Variants in GABPA observed in about 807,000 individuals in gnomAD.
GABPA encodes the protein GA-binding protein alpha chain.
GABPA carries 4 observed loss-of-function variants against 59.4 expected under a neutral mutation model. The observed-to-expected ratio is 0.07, with a 90% CI of 0.03 to 0.15. The LOEUF (loss-of-function observed/expected upper bound fraction) is 0.15, where lower values mean the gene tolerates loss of function less well. Ranked by LOEUF, GABPA falls within the 10% of genes least tolerant of loss-of-function variation. The pLI is 1.00. For missense variants in GABPA, 251 were observed against 543.8 expected (o/e 0.46, Z 5.36); for synonymous variants, 164 against 183.1 (o/e 0.90, Z 0.84).
rs1198020447 is a variant in GABPA at position 25,771,628 on chromosome 21, AATTT to A, written c.*2399_*2402del. 3 of 151,982 alleles carry A rather than the reference AATTT, an allele frequency of 2.0e-5. No homozygotes were observed. Among genetic ancestry groups the A allele is most frequent in the East Asian group, 3.9e-4 (2 of 5,190 alleles). 9.4% of individuals were successfully genotyped at this position (151,982 alleles called of 1,614,324 possible). Reference sequence around the variant, plus strand: ...AATATAACATTGTGAAAGAAAATAAAATTTATGCTATTCTTTGCTTTGTTTTTAT... The same window carrying A: ...AATATAACATTGTGAAAGAAAATAAAATGCTATTCTTTGCTTTGTTTTTAT... On this transcript the variant is annotated 3_prime_UTR_variant, in exon 10 of 10. Coordinates refer to ENST00000400075, the MANE Select transcript of GABPA (RefSeq NM_002040.4).
intron 1 of GABPA, among the ~76,000 whole-genome samples, chr21:25,740,383 A>G (rs1457109220): frequency 2.6e-5 from 4 of 152,210 alleles, no homozygotes; most frequent in African/African-American, 4.8e-5. Context: ...TTTTAAAGGT[A>G]CGCCTCTTTT....
At chr21:25,744,391 T>C (rs1239342572) in intron 2 of GABPA, among the ~76,000 whole-genome samples, 2 of 152,214 alleles carry the variant, frequency 1.3e-5, no homozygotes, top group Non-Finnish European at 2.9e-5. Flanking sequence ...TTGAATATCA[T>C]GTATGTATCT....
chr21:25,761,934 C>T (rs977384186), intron 6 of GABPA, among the ~76,000 whole-genome samples: 1 of 152,064 alleles, frequency 6.6e-6, no homozygotes, highest in Non-Finnish European at 1.5e-5. Context: ...GGTGGAGATA[C>T]GTACCTAAAT....
chr21:25,735,352 C>A lies in GABPA; in HGVS notation c.-253C>A, dbSNP rs1250229028. 8.8e-6 allele frequency: 2 copies of A among 226,366 alleles called. No homozygotes were observed. Among genetic ancestry groups the A allele is most frequent in the Non-Finnish European group, 1.8e-5 (2 of 112,048 alleles). The allele number at this position is 226,366 out of a possible 1,614,324, so 14.0% of individuals were successfully genotyped here. ...CGTTGCCTTGGGCGGTCGTTTTGCG[C>A]ACCCTGCCGGGAGTTGTAGTCCTGG... On this transcript the variant is annotated 5_prime_UTR_variant, in exon 1 of 10. Coordinates refer to ENST00000400075, the MANE Select transcript of GABPA (RefSeq NM_002040.4).
At chr21:25,751,818 A>G (rs2035519853) in intron 4 of GABPA, among the ~76,000 whole-genome samples, 171 bp from the exon 5 acceptor site, 1 of 152,138 alleles carries the variant, frequency 6.6e-6, no homozygotes, top group Non-Finnish European at 1.5e-5. Context: ...AAGACTAGTA[A>G]AAGAATTCTT....
intron 4 of GABPA, among the ~76,000 whole-genome samples, chr21:25,751,019 G>A (rs373213983): frequency 2.6e-5 from 4 of 152,206 alleles, no homozygotes; most frequent in South Asian, 2.1e-4. Context: ...TCTTTAAGCT[G>A]TACTTTGATT....
intron 7 of GABPA, chr21:25,762,960 G>T (rs1382084402): frequency 2.7e-6 from 1 of 368,064 alleles, no homozygotes; most frequent in Non-Finnish European, 5.2e-6. Flanking sequence ...ACCCTTCGCC[G>T]CCTCCACTAC....
At chr21:25,737,450 A>G (rs916085799) in intron 1 of GABPA, among the ~76,000 whole-genome samples, 6 of 152,230 alleles carry the variant, frequency 3.9e-5, no homozygotes, top group African/African-American at 1.4e-4. Context: ...TTTTTGACAG[A>G]TCATTTAAGA....
chr21:25,761,016 G>A lies in GABPA; in HGVS notation c.749-1296G>A, dbSNP rs545083541. 2.4e-4 allele frequency among the ~76,000 whole-genome samples: 36 copies of A among 152,184 alleles called. No homozygotes were observed. In the South Asian group the frequency reaches 4.4e-3, roughly 18 times the overall value. ...GGTGATGCTTTCGTTTGCCTCTTTT[G>A]AGGCTAGGTTCCTTTAGTCTCAAAT... On this transcript the variant is annotated intron_variant, in intron 6 of 9. Transcript: ENST00000400075.
rs982389531 is a variant in GABPA, at chr21:25,745,503, AG to A, written c.222+151del. On this transcript the variant is annotated intron_variant, in intron 3 of 9. Transcript: ENST00000400075. ...AAAATTTAAGTGTTTAGAAATAAAA[AG>A]GTTTTTAAGCAAAGTTTTCTCCATT... The A allele has an allele frequency of 1.6e-5, 10 of 621,824 alleles. No individual in the cohort carries two copies. In the African/African-American group the frequency reaches 1.7e-4, roughly 11 times the overall value. The allele number at this position is 621,824 out of a possible 1,614,324, so 38.5% of individuals were successfully genotyped here.
In GABPA at chr21:25,747,412, T is replaced by G. The variant is rs959062313; in HGVS notation, c.223-1624T>G. On this transcript the variant is annotated intron_variant, in intron 3 of 9. Coordinates refer to ENST00000400075, the MANE Select transcript of GABPA (RefSeq NM_002040.4). ...GCTCTTCCAAGTTCTCAGAAAATAA[T>G]AGTTGGATAAATGGTAATATTTATA... 5.3e-5 allele frequency among the ~76,000 whole-genome samples: 8 copies of G among 152,300 alleles called. No individual in the cohort carries two copies. In the East Asian group the frequency reaches 9.6e-4, roughly 18 times the overall value.
intron 9 of GABPA, among the ~76,000 whole-genome samples, chr21:25,767,951 A>G (rs916172600): frequency 6.6e-6 from 1 of 152,126 alleles, no homozygotes; most frequent in Non-Finnish European, 1.5e-5. Flanking sequence ...GTGATAGTTT[A>G]TATCTGGTAC....
At chr21:25,754,681 T>C (rs1340728029) in intron 5 of GABPA, among the ~76,000 whole-genome samples, 1 of 152,246 alleles carries the variant, frequency 6.6e-6, no homozygotes, top group Non-Finnish European at 1.5e-5. Flanking sequence ...TCTGTTTTTC[T>C]TGTGGTTTTT....
intron 6 of GABPA, among the ~76,000 whole-genome samples, chr21:25,760,518 C>T (rs184231236): frequency 6.6e-5 from 10 of 152,062 alleles, no homozygotes; most frequent in Non-Finnish European, 1.3e-4. Flanking sequence ...CTGCAGTCCC[C>T]CCTATGTTGA....
chr21:25,740,967 C>T (rs2035205937), intron 1 of GABPA, among the ~76,000 whole-genome samples: 1 of 152,182 alleles, frequency 6.6e-6, no homozygotes, highest in Non-Finnish European at 1.5e-5. Flanking sequence ...GACTGAGTTG[C>T]TTTAATATAG....
chr21:25,762,141 G>C (rs535464236), intron 6 of GABPA, among the ~76,000 whole-genome samples, 171 bp from the exon 7 acceptor site: 44 of 152,194 alleles, frequency 2.9e-4, no homozygotes, highest in African/African-American at 1.0e-3. Context: ...CTTTTAAAGT[G>C]ACTATCAAAT....
intron 4 of GABPA, among the ~76,000 whole-genome samples, chr21:25,749,629 T>A (rs573385495): frequency 6.6e-6 from 1 of 152,264 alleles, no homozygotes; most frequent in East Asian, 1.9e-4. Context: ...GTCAAGAGTT[T>A]GAGAACAGCC....
chr21:25,762,955 TCGC>T (rs2035799046), intron 7 of GABPA: 1 of 372,578 alleles, frequency 2.7e-6, no homozygotes, highest in Admixed American at 3.4e-5. Context: ...GGCAAACCCT[TCGC>T]CGCCTCCACT....
At chr21:25,749,426 C>A (rs938666845) in intron 4 of GABPA, among the ~76,000 whole-genome samples, 4 of 152,156 alleles carry the variant, frequency 2.6e-5, no homozygotes, top group African/African-American at 4.8e-5. Context: ...CAGAACTGGA[C>A]TGCTAAGGAA....
Sources: gnomAD v4.1 joint callset for allele counts (sites outside exome capture counted in the v4.1 genomes callset) on GRCh38, gnomAD v4.1.1 for gene constraint, MANE v1.5 for transcripts, NCBI Gene and HGNC (gene_info 2026-07-23, HGNC 2026-07-21) for gene names.